PDE8B: variants seen among roughly 807,000 people sequenced by gnomAD.
The protein encoded by PDE8B is phosphodiesterase 8B.
Under a neutral mutation model 101.3 loss-of-function variants are expected in PDE8B, and 26 were observed. The observed-to-expected ratio is 0.26, with a 90% CI of 0.19 to 0.36. The LOEUF (loss-of-function observed/expected upper bound fraction) is 0.36. PDE8B is among the 10% of genes least tolerant of loss of function. The probability of loss-of-function intolerance (pLI) is 1.00; values close to 1 mark genes in which losing one functional copy is unlikely to be tolerated. For missense variants in PDE8B, 810 were observed against 1,163.1 expected, an observed-to-expected ratio of 0.70 and a Z score of 4.42; for synonymous variants, 424 against 429.3, an observed-to-expected ratio of 0.99 and a Z score of 0.15.
intron 6 of PDE8B, among the ~76,000 whole-genome samples, chr5:77,341,830 A>C (rs1779256243): frequency 6.6e-6 from 1 of 152,236 alleles, no homozygotes; most frequent in South Asian, 2.1e-4. Context: ...AATTGTGTTT[A>C]CAAGTGGTGG....
upstream of PDE8B, chr5:77,210,639 G>A (rs1748047181): frequency 2.0e-6 from 2 of 982,154 alleles, no homozygotes; most frequent in Non-Finnish European, 1.2e-6. This position sits in a 1 kb window ranked among gnomAD's most constrained non-coding sequence, Gnocchi z 4.9. Context: ...TTGGGGCGCC[G>A]CGGCGGGGAG....
At chr5:77,404,169 G>A (rs896172718) in intron 11 of PDE8B, among the ~76,000 whole-genome samples, 1 of 152,142 alleles carries the variant, frequency 6.6e-6, no homozygotes, top group Non-Finnish European at 1.5e-5. Context: ...TGTATTTTTA[G>A]TAGAGATGGG....
chr5:77,355,530 G>A lies in PDE8B; in HGVS notation c.1167+2124G>A, dbSNP rs959421869. 9.2e-5 allele frequency among the ~76,000 whole-genome samples: 14 copies of A among 152,314 alleles called. No homozygotes were observed. In the East Asian group the frequency reaches 1.2e-3, roughly 13 times the overall value. ...GGTTTGCATTTTAACAAGGTGTGAC[G>A]TGGTAAGCCAGGCTGCTCTCTCCTG... On this transcript the variant is annotated intron_variant, in intron 10 of 21. Coordinates refer to ENST00000264917, the MANE Select transcript of PDE8B (RefSeq NM_003719.5).
intron 11 of PDE8B, among the ~76,000 whole-genome samples, chr5:77,400,874 A>G (rs76154714): frequency 2.9e-5 from 4 of 137,074 alleles, no homozygotes; most frequent in Non-Finnish European, 6.4e-5. Context: ...CATTAGAGGG[A>G]AAAAAAATCA....
chr5:77,261,685 T>C (rs1270454686), intron 1 of PDE8B, among the ~76,000 whole-genome samples: 1 of 152,204 alleles, frequency 6.6e-6, no homozygotes, highest in African/African-American at 2.4e-5. Flanking sequence ...ACACTAGACC[T>C]GTGAAGTACT....
the PDE8B span, chr5:77,142,380 G>C: frequency 6.6e-6 from 1 of 152,168 alleles, no homozygotes; most frequent in Non-Finnish European, 1.5e-5. Context: ...TTTGACAAGT[G>C]TACGTACCCA....
the PDE8B span, among the ~76,000 whole-genome samples, chr5:77,157,888 C>A: frequency 6.6e-6 from 1 of 152,208 alleles, no homozygotes; most frequent in Non-Finnish European, 1.5e-5. Flanking sequence ...TCTAGAGCAT[C>A]CCTCTCTCTA....
the PDE8B span, chr5:77,118,703 G>A: frequency 4.2e-6 from 1 of 236,212 alleles, no homozygotes; most frequent in Non-Finnish European, 8.1e-6. Context: ...TCTGCATGTG[G>A]TCAGTGTAGA....
At chr5:77,249,570 G>A (rs1757641889) in intron 1 of PDE8B, among the ~76,000 whole-genome samples, 1 of 152,200 alleles carries the variant, frequency 6.6e-6, no homozygotes, top group African/African-American at 2.4e-5. Flanking sequence ...AATTTAGAAC[G>A]AAGGTTTTGT....
At chr5:77,148,880 T>C in the PDE8B span, among the ~76,000 whole-genome samples, 82 of 152,324 alleles carry the variant, frequency 5.4e-4, 1 homozygote, top group Admixed American at 5.4e-3. Flanking sequence ...TTGATTTTGA[T>C]GAAGTCTAAT....
chr5:77,367,820 C>T (rs1423932903), intron 10 of PDE8B, among the ~76,000 whole-genome samples: 3 of 152,188 alleles, frequency 2.0e-5, no homozygotes, highest in African/African-American at 4.8e-5. Context: ...TGAGCCACCA[C>T]GCCTAGCTGG....
At chr5:77,289,270 A>C (rs1361328753) in intron 1 of PDE8B, among the ~76,000 whole-genome samples, 1 of 152,222 alleles carries the variant, frequency 6.6e-6, no homozygotes, top group East Asian at 1.9e-4. Flanking sequence ...GCTTCCCTTG[A>C]AAATAATTCA....
intron 10 of PDE8B, among the ~76,000 whole-genome samples, chr5:77,389,381 C>T (rs1005579388): frequency 6.6e-6 from 1 of 152,142 alleles, no homozygotes; most frequent in African/African-American, 2.4e-5. Flanking sequence ...TGCTTTGGCT[C>T]ACCCTCCGTG....
At chr5:77,213,795 A>G (rs1749039666) in intron 1 of PDE8B, 1 of 152,482 alleles carries the variant, frequency 6.6e-6, no homozygotes, top group East Asian at 1.9e-4. Context: ...GAGTGCAAAA[A>G]TGTGTGCTTG....
At chr5:77,423,337 T>C (rs534375660) in intron 20 of PDE8B, among the ~76,000 whole-genome samples, 5 of 152,340 alleles carry the variant, frequency 3.3e-5, no homozygotes, top group African/African-American at 1.2e-4. Flanking sequence ...TACAGGTGTC[T>C]CTTCAGTAGA....
intron 1 of PDE8B, among the ~76,000 whole-genome samples, chr5:77,251,026 A>G (rs1433124778): frequency 6.6e-6 from 1 of 152,188 alleles, no homozygotes; most frequent in African/African-American, 2.4e-5. Context: ...ATAGCTAGGG[A>G]GGCTGTTTAA....
At chr5:77,170,819 A>C in the PDE8B span, among the ~76,000 whole-genome samples, 17 of 152,246 alleles carry the variant, frequency 1.1e-4, no homozygotes, top group Admixed American at 9.2e-4. Context: ...AGAAGAAATT[A>C]TATCACTGTC....
intron 15 of PDE8B, 131 bp downstream of exon 15, chr5:77,411,852 A>G: frequency 1.3e-6 from 1 of 780,862 alleles, no homozygotes; most frequent in Non-Finnish European, 2.2e-6. Flanking sequence ...AATATGGTCT[A>G]CATTTAAAAC....
the PDE8B span, among the ~76,000 whole-genome samples, chr5:77,111,095 G>C: frequency 6.6e-6 from 1 of 152,174 alleles, no homozygotes. Flanking sequence ...AAATCACTTT[G>C]GTTGCAGAAT....
Sources: allele counts gnomAD v4.1 joint callset (sites outside exome capture counted in the v4.1 genomes callset), GRCh38; gene constraint gnomAD v4.1.1; non-coding constraint Gnocchi (gnomAD v3.1); transcripts MANE v1.5; gene names NCBI Gene and HGNC (gene_info 2026-07-23, HGNC 2026-07-21).